Variants in ADAMTS17 observed in about 807,000 individuals in gnomAD.
ADAMTS17 encodes A disintegrin and metalloproteinase with thrombospondin motifs 17.
In ADAMTS17, 113 loss-of-function variants were observed where a neutral mutation model predicts 141.5. That is an observed-to-expected ratio of 0.80 (90% CI 0.69 to 0.93). The LOEUF is 0.93. Among genes scored for constraint, ADAMTS17 ranks in the 40% least tolerant of loss-of-function variants. The probability of loss-of-function intolerance (pLI) is 0.00; values close to 1 mark genes in which losing one functional copy is unlikely to be tolerated. For missense variants in ADAMTS17, 1,659 were observed against 1,517.9 expected (o/e 1.09, Z -1.54); for synonymous variants, 768 against 630.6 (o/e 1.22, Z -3.27).
At chr15:100,223,370 TAAACA>T (rs1474900609) in intron 7 of ADAMTS17, among the ~76,000 whole-genome samples, 5 of 152,198 alleles carry the variant, frequency 3.3e-5, no homozygotes, top group Non-Finnish European at 7.4e-5. Flanking sequence ...AAGAAAATAT[TAAACA>T]AAACATGTTT....
At chr15:99,988,483 C>G (rs1335928315) in intron 20 of ADAMTS17, among the ~76,000 whole-genome samples, 5 of 152,216 alleles carry the variant, frequency 3.3e-5, no homozygotes, top group Non-Finnish European at 7.3e-5. Context: ...AAATAAACCT[C>G]TTTATCAATG....
At chr15:100,304,238 C>T (rs1225496078) in intron 3 of ADAMTS17, among the ~76,000 whole-genome samples, 3 of 152,054 alleles carry the variant, frequency 2.0e-5, no homozygotes, top group African/African-American at 7.3e-5. Context: ...TAGGGCACAA[C>T]CCCTTCTCCT....
Position 100,109,133 on chromosome 15 carries a change from T to C in ADAMTS17, c.1889-17A>G, listed in dbSNP as rs1172377134. 1 of 1,599,398 alleles carries C rather than the reference T, an allele frequency of 6.3e-7. No individual in the cohort carries two copies. The highest frequency in any genetic ancestry group is 1.1e-5 in the South Asian group (1 of 89,516). ...ATGGCTTATCTGAGGAGGGAAAGGT[T>C]GGAGGACGTTGACACGGGAAGGTGT... is the stretch of plus-strand genomic sequence containing the variant. On this transcript the variant is annotated splice_polypyrimidine_tract_variant and intron_variant, in intron 13 of 21. Coordinates refer to ENST00000268070, the MANE Select transcript of ADAMTS17 (RefSeq NM_139057.4).
At chr15:100,241,492 C>G (rs991128217) in intron 7 of ADAMTS17, among the ~76,000 whole-genome samples, 1 of 152,250 alleles carries the variant, frequency 6.6e-6, no homozygotes, top group Non-Finnish European at 1.5e-5. Flanking sequence ...AGCCTCAAAT[C>G]TCAGTGTCTC....
intron 3 of ADAMTS17, among the ~76,000 whole-genome samples, chr15:100,320,790 G>A (rs999535105): frequency 2.0e-5 from 3 of 152,062 alleles, no homozygotes; most frequent in Non-Finnish European, 4.4e-5. Context: ...CCAAGATCGC[G>A]CCACTGCACT....
intron 15 of ADAMTS17, chr15:100,063,755 A>G: frequency 7.8e-7 from 1 of 1,290,098 alleles, no homozygotes. Flanking sequence ...CAGCTTCGAT[A>G]TAACCTGTAG....
chr15:100,049,025 G>A (rs1240823309), intron 17 of ADAMTS17, 33 bp from the exon 18 acceptor site: 4 of 1,613,984 alleles, frequency 2.5e-6, no homozygotes, highest in African/African-American at 2.7e-5. Flanking sequence ...CTGAGAGACT[G>A]TGGCTGCACC....
intron 8 of ADAMTS17, among the ~76,000 whole-genome samples, chr15:100,176,218 G>A (rs151223667): frequency 6.6e-5 from 10 of 152,376 alleles, no homozygotes; most frequent in Non-Finnish European, 1.2e-4. Context: ...ATGGGATGAT[G>A]AATGCATGGT....
At chr15:100,217,960 C>T (rs865989001) in intron 7 of ADAMTS17, among the ~76,000 whole-genome samples, 7 of 152,182 alleles carry the variant, frequency 4.6e-5, no homozygotes, top group African/African-American at 7.2e-5. Context: ...TGCTCACTGC[C>T]GCCTTGACCT....
At chr15:100,305,347 C>T (rs2045187010) in intron 3 of ADAMTS17, among the ~76,000 whole-genome samples, 1 of 152,308 alleles carries the variant, frequency 6.6e-6, no homozygotes, top group South Asian at 2.1e-4. Flanking sequence ...TGCCAGATTC[C>T]TCAAACTGTT....
At chr15:100,334,070 C>G (rs1361651291) in intron 2 of ADAMTS17, among the ~76,000 whole-genome samples, 2 of 152,184 alleles carry the variant, frequency 1.3e-5, no homozygotes, top group African/African-American at 4.8e-5. Flanking sequence ...GGTTACCTTT[C>G]AACTCTCTTT....
rs1444473602 is a variant in ADAMTS17 at position 100,051,727 on chromosome 15, A to C, written c.2300T>G (p.Leu767Trp). 6.2e-7 allele frequency: 1 copy of C among 1,614,190 alleles called. No individual in the cohort carries two copies. The highest frequency in any genetic ancestry group is 8.5e-7 in the Non-Finnish European group (1 of 1,180,034). ...PTKLPLHLMVLLFHDQDYGIH... is the reference protein window; with the variant it reads ...PTKLPLHLMVWLFHDQDYGIH... ...TCCATAATCTTGGTCGTGAAATAAC[A>C]ACACCTGGATCAGCCGCAAAACAAA... The change falls in exon 17 of 22, where the codon TTG (leucine) becomes TGG (tryptophan). Residue 767 changes from leucine to tryptophan, a missense_variant. By Grantham distance (61) the Leu-to-Trp change is moderately conservative. Coordinates refer to ENST00000268070, the MANE Select transcript of ADAMTS17 (RefSeq NM_139057.4).
chr15:100,134,559 T>C (rs574136145), intron 10 of ADAMTS17, among the ~76,000 whole-genome samples: 5 of 152,240 alleles, frequency 3.3e-5, no homozygotes, highest in Non-Finnish European at 5.9e-5. Context: ...GTGGTCACCG[T>C]GTGGTTTGCA....
rs193221276 is a variant in ADAMTS17 at position 100,110,743 on chromosome 15, T to A, written c.1889-1627A>T. Reference sequence around the variant, plus strand: ...CCTTCATCCTCCTTGCTGCTCTTTGTCTTCTCCACCAGGCCTCCTCAGTGG... The same window carrying A: ...CCTTCATCCTCCTTGCTGCTCTTTGACTTCTCCACCAGGCCTCCTCAGTGG... On this transcript the variant is annotated intron_variant, in intron 13 of 21. Coordinates refer to ENST00000268070, the MANE Select transcript of ADAMTS17 (RefSeq NM_139057.4). Among the ~76,000 whole-genome samples, 5 of 152,254 alleles carry A rather than the reference T, an allele frequency of 3.3e-5. No homozygotes were observed. The East Asian group carries it at 9.7e-4, about 30-fold the overall frequency.
At chr15:100,320,589 T>G (rs2045702952) in intron 3 of ADAMTS17, among the ~76,000 whole-genome samples, 1 of 152,154 alleles carries the variant, frequency 6.6e-6, no homozygotes, top group African/African-American at 2.4e-5. Context: ...TCCCAGCACT[T>G]TGGGAGGCCG....
chr15:100,223,954 G>T (rs1264670756), intron 7 of ADAMTS17, among the ~76,000 whole-genome samples: 1 of 152,124 alleles, frequency 6.6e-6, no homozygotes, highest in Admixed American at 6.5e-5. Context: ...GGAGTCCAGT[G>T]TTCAATGGCA....
At chr15:100,308,595 T>A (rs2045303013) in intron 3 of ADAMTS17, among the ~76,000 whole-genome samples, 1 of 152,184 alleles carries the variant, frequency 6.6e-6, no homozygotes, top group Non-Finnish European at 1.5e-5. Context: ...TTTAATATGG[T>A]TGAAACTGGA....
chr15:100,051,232 A>G (rs576882973), intron 17 of ADAMTS17, among the ~76,000 whole-genome samples: 1 of 152,336 alleles, frequency 6.6e-6, no homozygotes, highest in Non-Finnish European at 1.5e-5. Flanking sequence ...GTGCCCCTCC[A>G]GCAAGCAGCA....
intron 18 of ADAMTS17, among the ~76,000 whole-genome samples, chr15:100,021,446 G>A (rs975575018): frequency 1.3e-5 from 2 of 152,166 alleles, no homozygotes; most frequent in Non-Finnish European, 2.9e-5. Flanking sequence ...TCGCTAGGGT[G>A]CCATAACAGT....
Sources: allele counts gnomAD v4.1 joint callset (sites outside exome capture counted in the v4.1 genomes callset), GRCh38; gene constraint gnomAD v4.1.1; transcripts MANE v1.5; gene names NCBI Gene and HGNC (gene_info 2026-07-23, HGNC 2026-07-21).